The following ENTPD1 variants were observed in gnomAD, a reference collection of about 807,000 sequenced individuals.
The protein encoded by ENTPD1 is ATP diphosphohydrolase.
ENTPD1 carries 33 observed loss-of-function variants against 57.0 expected under a neutral mutation model. The observed-to-expected ratio is 0.58, with a 90% CI of 0.44 to 0.77. ENTPD1 has a LOEUF of 0.77. Ranked by LOEUF, ENTPD1 falls within the 30% of genes least tolerant of loss-of-function variation. The pLI, the probability that ENTPD1 is intolerant of heterozygous loss-of-function variation, is 0.00. For synonymous variants in ENTPD1, 202 were observed against 218.8 expected (o/e 0.92, Z 0.68); for missense variants, 501 against 603.4 (o/e 0.83, Z 1.78).
the ENTPD1 span, among the ~76,000 whole-genome samples, chr10:95,704,374 C>T: frequency 6.6e-6 from 1 of 152,106 alleles, no homozygotes; most frequent in Non-Finnish European, 1.5e-5. Context: ...CCTCTACCTA[C>T]TAGATATCAC....
At chr10:95,730,482 T>G (rs1213584245) in intron 1 of ENTPD1, among the ~76,000 whole-genome samples, 1 of 152,120 alleles carries the variant, frequency 6.6e-6, no homozygotes, top group African/African-American at 2.4e-5. Context: ...TCAGAAATGT[T>G]AAAGCATATA....
At chr10:95,740,072 T>A (rs979315586) in intron 1 of ENTPD1, among the ~76,000 whole-genome samples, 11 of 152,126 alleles carry the variant, frequency 7.2e-5, no homozygotes, top group African/African-American at 2.7e-4. Context: ...GTAAACAGAT[T>A]TACAGTCATC....
chr10:95,840,602 A>G (rs1258757304), intron 3 of ENTPD1, among the ~76,000 whole-genome samples: 1 of 152,244 alleles, frequency 6.6e-6, no homozygotes, highest in African/African-American at 2.4e-5. Flanking sequence ...CCTTGAAAGT[A>G]GCAACAGAAT....
chr10:95,725,437 G>A (rs2097982581), intron 1 of ENTPD1, among the ~76,000 whole-genome samples: 1 of 152,020 alleles, frequency 6.6e-6, no homozygotes, highest in Non-Finnish European at 1.5e-5. Flanking sequence ...CTGGACATAT[G>A]AACTAATATA....
intron 1 of ENTPD1, among the ~76,000 whole-genome samples, chr10:95,767,307 T>G (rs1589735487): frequency 8.8e-6 from 1 of 113,730 alleles, no homozygotes; most frequent in Non-Finnish European, 1.7e-5. Context: ...AGAGCGAGAC[T>G]CCATCTCAAA....
At chr10:95,793,500 A>T (rs1361331285) in intron 1 of ENTPD1, among the ~76,000 whole-genome samples, 1 of 152,106 alleles carries the variant, frequency 6.6e-6, no homozygotes, top group Non-Finnish European at 1.5e-5. Context: ...TCCGCCATTA[A>T]TTAGGAGGTT....
intron 1 of ENTPD1, among the ~76,000 whole-genome samples, chr10:95,786,691 T>C (rs867846434): frequency 2.5e-4 from 38 of 152,136 alleles, no homozygotes; most frequent in African/African-American, 8.2e-4. Flanking sequence ...GAAACCACCT[T>C]ATCCAACCTA....
chr10:95,822,268 G>A (rs777189220), intron 1 of ENTPD1, among the ~76,000 whole-genome samples: 8 of 151,946 alleles, frequency 5.3e-5, no homozygotes, highest in Non-Finnish European at 8.8e-5. Context: ...AAAGTGCTGG[G>A]ATTACAAGCG....
chr10:95,707,569 G>T (rs1002708952), upstream of ENTPD1, among the ~76,000 whole-genome samples: 4 of 152,128 alleles, frequency 2.6e-5, no homozygotes, highest in African/African-American at 9.7e-5. Flanking sequence ...ATGGGCTAGG[G>T]TTACATGGGC....
the ENTPD1 span, among the ~76,000 whole-genome samples, chr10:95,694,822 G>A: frequency 6.6e-6 from 1 of 151,346 alleles, no homozygotes; most frequent in Non-Finnish European, 1.5e-5. Context: ...TAGCTGCACT[G>A]TCCAGCATGG....
At chr10:95,815,410 A>AT (rs1663731512) in intron 1 of ENTPD1, among the ~76,000 whole-genome samples, 1 of 152,172 alleles carries the variant, frequency 6.6e-6, no homozygotes, top group Non-Finnish European at 1.5e-5. Flanking sequence ...ACTGTCAGGG[A>AT]TGAGATTCAT....
chr10:95,800,242 A>G (rs1002753011), intron 1 of ENTPD1, among the ~76,000 whole-genome samples: 2 of 152,192 alleles, frequency 1.3e-5, no homozygotes, highest in Non-Finnish European at 2.9e-5. Flanking sequence ...CGGGGATGTC[A>G]TCACGTATTG....
chr10:95,870,375 C>T lies in ENTPD1; in HGVS notation c.*3992C>T, dbSNP rs899799982. 2.9e-5 allele frequency: 25 copies of T among 863,234 alleles called. No homozygotes were observed. The highest frequency in any genetic ancestry group is 5.6e-6 in the Non-Finnish European group (4 of 718,902). 53.5% of individuals were successfully genotyped at this position (863,234 alleles called of 1,614,324 possible). A position where few individuals can be genotyped will look rare whatever the true frequency, so the allele number is the denominator to read the frequency against. ...TCATGGCTCACTGCAGCCTCGACCT[C>T]CCAAGCTCAAGCAAGGCTACAGGTG... On this transcript the variant is annotated 3_prime_UTR_variant, in exon 10 of 10. Coordinates refer to ENST00000371205, the MANE Select transcript of ENTPD1 (RefSeq NM_001776.6).
chr10:95,814,946 C>G (rs2098324956), intron 1 of ENTPD1, among the ~76,000 whole-genome samples: 1 of 151,736 alleles, frequency 6.6e-6, no homozygotes, highest in Admixed American at 6.6e-5. Flanking sequence ...TTTCCTCCTT[C>G]TTTTTTGCCT....
At chr10:95,720,159 G>A (rs183852972) in intron 1 of ENTPD1, among the ~76,000 whole-genome samples, 4 of 151,554 alleles carry the variant, frequency 2.6e-5, no homozygotes, top group African/African-American at 9.7e-5. Context: ...GTTGGGCCTC[G>A]GGTGTAAGGG....
chr10:95,755,739 A>G (rs2098020566), upstream of ENTPD1: 2 of 1,537,196 alleles, frequency 1.3e-6, no homozygotes, highest in Non-Finnish European at 1.7e-6. Flanking sequence ...ACTGTTCTTG[A>G]CTTTCAGTTT....
intron 1 of ENTPD1, among the ~76,000 whole-genome samples, chr10:95,782,418 C>A (rs1181719542): frequency 6.6e-6 from 1 of 152,042 alleles, no homozygotes; most frequent in South Asian, 2.1e-4. Flanking sequence ...AGGAAGGATG[C>A]AGAGACTATG....
At chr10:95,752,039 CAT>C (rs1488350490), upstream of ENTPD1, among the ~76,000 whole-genome samples, 1 of 152,066 alleles carries the variant, frequency 6.6e-6, no homozygotes, top group East Asian at 1.9e-4. Flanking sequence ...GAAAATCAGA[CAT>C]GAGGGGGGTT....
chr10:95,838,208 ATCAATCATGGAATTTTTTAATCC>A (rs1457099067), intron 2 of ENTPD1, among the ~76,000 whole-genome samples: 11 of 152,320 alleles, frequency 7.2e-5, no homozygotes, highest in Non-Finnish European at 1.5e-5. Flanking sequence ...GATGTCATTA[ATCAATCATGGAATTTTTTAATCC>A]TGAGTAAGCC....
Sources: allele counts gnomAD v4.1 joint callset (sites outside exome capture counted in the v4.1 genomes callset), GRCh38; gene constraint gnomAD v4.1.1; transcripts MANE v1.5; gene names NCBI Gene and HGNC (gene_info 2026-07-23, HGNC 2026-07-21).